LOC131768270: variants seen among roughly 807,000 people sequenced by gnomAD.
At chr5:140,567,910 A>G in the LOC131768270 span, 5 of 1,614,170 alleles carry the variant, frequency 3.1e-6, no homozygotes, top group Non-Finnish European at 4.2e-6. Context: ...GCCTCCTGGA[A>G]GGTTTCTCAG....
chr5:140,567,314 C>T, the LOC131768270 span: 12 of 1,614,050 alleles, frequency 7.4e-6, no homozygotes, highest in African/African-American at 9.3e-5. Flanking sequence ...AGTGCCCTTC[C>T]GGCCCTCCTC....
At chr5:140,568,147 C>A in the LOC131768270 span, 7 of 1,613,794 alleles carry the variant, frequency 4.3e-6, no homozygotes, top group Non-Finnish European at 5.9e-6. Flanking sequence ...GCCGCTAGTC[C>A]CTGACAACTT....
At chr5:140,567,815 C>T in the LOC131768270 span, 2 of 1,613,894 alleles carry the variant, frequency 1.2e-6, no homozygotes, top group African/African-American at 2.7e-5. Flanking sequence ...ACAGCGGCTG[C>T]CCCTGGCACT....
chr5:140,567,099 C>T, the LOC131768270 span: 2 of 1,610,238 alleles, frequency 1.2e-6, no homozygotes, highest in African/African-American at 2.7e-5. Context: ...GGAGCTGGCT[C>T]CATAACTTGA....
At chr5:140,567,508 C>T in the LOC131768270 span, 4 of 1,614,210 alleles carry the variant, frequency 2.5e-6, no homozygotes, top group African/African-American at 5.3e-5. Context: ...TGGACCCCAG[C>T]ACCTACCAGG....
At chr5:140,567,284 C>T in the LOC131768270 span, 9 of 1,614,200 alleles carry the variant, frequency 5.6e-6, no homozygotes, top group Non-Finnish European at 6.8e-6. Flanking sequence ...ATTGCTGGCA[C>T]TGTGCCATGT....
At chr5:140,568,155 C>T in the LOC131768270 span, 1 of 1,613,778 alleles carries the variant, frequency 6.2e-7, no homozygotes, top group Non-Finnish European at 8.5e-7. Flanking sequence ...TCCCTGACAA[C>T]TTCCACCCTG....
At chr5:140,567,730 AGGCCT>A in the LOC131768270 span, 1 of 1,614,134 alleles carries the variant, frequency 6.2e-7, no homozygotes, top group Non-Finnish European at 8.5e-7. Context: ...TCACTCCGCT[AGGCCT>A]GCTGCTCCTC....
At chr5:140,565,144 C>A in the LOC131768270 span, 1 of 373,662 alleles carries the variant, frequency 2.7e-6, no homozygotes, top group Non-Finnish European at 4.7e-6. Context: ...TCACTTTACC[C>A]CATTCCCTAG....
the LOC131768270 span, chr5:140,566,762 G>T: frequency 1.7e-6 from 1 of 599,166 alleles, no homozygotes; most frequent in South Asian, 2.0e-5. Flanking sequence ...GGCCCGACTA[G>T]CTCTAGGTGC....
the LOC131768270 span, chr5:140,567,697 T>G: frequency 3.1e-6 from 5 of 1,614,142 alleles, no homozygotes; most frequent in Non-Finnish European, 4.2e-6. Flanking sequence ...CAGCAGCTGC[T>G]GCCAGCCCCA....
chr5:140,567,281 G>A, the LOC131768270 span: 3 of 1,614,134 alleles, frequency 1.9e-6, no homozygotes, highest in Non-Finnish European at 2.5e-6. Context: ...CCCATTGCTG[G>A]CACTGTGCCA....
chr5:140,567,447 C>A, the LOC131768270 span: 1 of 1,614,158 alleles, frequency 6.2e-7, no homozygotes, highest in South Asian at 1.1e-5. Flanking sequence ...GCACTATCAG[C>A]CCTGCTCTAT....
At chr5:140,567,927 C>T in the LOC131768270 span, 1 of 1,614,192 alleles carries the variant, frequency 6.2e-7, no homozygotes, top group East Asian at 2.2e-5. Flanking sequence ...TCAGGATGGG[C>T]AGCACTCGTG....
At chr5:140,567,593 C>T in the LOC131768270 span, 3 of 1,614,270 alleles carry the variant, frequency 1.9e-6, no homozygotes, top group Admixed American at 1.7e-5. Context: ...CTCTGTGCGT[C>T]AGGGGTTAGC....
the LOC131768270 span, chr5:140,567,215 C>T: frequency 1.2e-6 from 2 of 1,614,176 alleles, no homozygotes; most frequent in Non-Finnish European, 1.7e-6. Flanking sequence ...CCGTCCCAGG[C>T]AGGCCCGCTG....
At chr5:140,567,594 A>G in the LOC131768270 span, 1 of 1,614,244 alleles carries the variant, frequency 6.2e-7, no homozygotes, top group East Asian at 2.2e-5. Flanking sequence ...TCTGTGCGTC[A>G]GGGGTTAGCG....
the LOC131768270 span, chr5:140,567,090 G>A: frequency 2.4e-3 from 3,930 of 1,604,512 alleles, 9 homozygotes; most frequent in Non-Finnish European, 3.1e-3. Flanking sequence ...TCCTTCCTGG[G>A]AGCTGGCTCC....
the LOC131768270 span, chr5:140,568,365 C>A: frequency 1.5e-6 from 1 of 661,492 alleles, no homozygotes; most frequent in Non-Finnish European, 2.6e-6. Flanking sequence ...GAAATGCTTA[C>A]CATCCCCCAC....
Sources: gnomAD v4.1 joint callset for allele counts on GRCh38, gnomAD v4.1.1 for gene constraint, MANE v1.5 for transcripts.